Variants in IGHMBP2 observed in about 807,000 individuals in gnomAD.
The protein encoded by IGHMBP2 is DNA-binding protein SMUBP-2.
Under a neutral mutation model 96.0 loss-of-function variants are expected in IGHMBP2, and 81 were observed. The ratio of observed to expected loss-of-function variants is 0.84; its 90% CI spans 0.71 to 1.01. The LOEUF (loss-of-function observed/expected upper bound fraction) is 1.01, where lower values mean the gene tolerates loss of function less well. Ranked by LOEUF, IGHMBP2 falls within the 50% of genes least tolerant of loss-of-function variation. IGHMBP2 has a pLI of 0.00. For synonymous variants in IGHMBP2, 557 were observed against 548.9 expected, an observed-to-expected ratio of 1.01 and a Z score of -0.21; for missense variants, 1,227 against 1,306.3, an observed-to-expected ratio of 0.94 and a Z score of 0.94.
Position 68,908,352 on chromosome 11 carries a change from C to T in IGHMBP2, c.449+15C>T, listed in dbSNP as rs781076917. 1.2e-6 allele frequency: 2 copies of T among 1,609,762 alleles called. No individual in the cohort carries two copies. Among genetic ancestry groups the T allele is most frequent in the South Asian group, 2.2e-5 (2 of 91,016 alleles). On this transcript the variant is annotated intron_variant, in intron 3 of 14. Coordinates refer to ENST00000255078, the MANE Select transcript of IGHMBP2 (RefSeq NM_002180.3). The stretch of plus-strand genomic sequence containing the variant: ...CGACTGAAAAAGTAAGTGGATGGGA[C>T]TGGAAATCCTAAGTACCATCTTCCT...
chr11:68,924,190 C>CT (rs1191527292), intron 7 of IGHMBP2, among the ~76,000 whole-genome samples: 2 of 152,224 alleles, frequency 1.3e-5, no homozygotes, highest in African/African-American at 4.8e-5. Flanking sequence ...GCAGTCCCTG[C>CT]TATTCCATCT....
rs762477906 is a variant in IGHMBP2 at position 68,933,427 on chromosome 11, C to G, written c.1364C>G (p.Thr455Ser). ...GCTATCATGCGCTGGGCCTCAGACA[C>G]CATGTACCTTGGGCAGCTCACAGCC... Reference protein sequence around the residue: ...HQAIMRWASDTMYLGQLTAHS... With the variant: ...HQAIMRWASDSMYLGQLTAHS... Residue 455 changes from threonine (T) to serine (S), a missense_variant, in exon 9 of 15, where the codon ACC becomes AGC. By Grantham distance (58) the Thr-to-Ser change is moderately conservative (BLOSUM62 1). Coordinates refer to ENST00000255078, the MANE Select transcript of IGHMBP2 (RefSeq NM_002180.3). 1.2e-6 allele frequency: 2 copies of G among 1,613,368 alleles called. No individual in the cohort carries two copies. The highest frequency in any genetic ancestry group is 2.2e-5 in the South Asian group (2 of 90,948).
rs1460632503 is a variant in IGHMBP2 at position 68,908,642 on chromosome 11, C to T, written c.547+11C>T. ...CTGCCAGTGAAATACGTAAGAACTT[C>T]TGAGTTTTCTTTTTTGGTTGAAATC... On this transcript the variant is annotated intron_variant, in intron 4 of 14. Coordinates refer to ENST00000255078, the MANE Select transcript of IGHMBP2 (RefSeq NM_002180.3). 5 of 1,588,240 alleles carry T rather than the reference C, an allele frequency of 3.1e-6. No homozygotes were observed. The Admixed American group carries it at 8.3e-5, about 26-fold the overall frequency.
Position 68,933,878 on chromosome 11 carries a change from TGGA to T in IGHMBP2, c.1512_1514del (p.Glu504del), listed in dbSNP as rs770864295. The T allele has an allele frequency of 2.5e-6, 4 of 1,603,408 alleles. No homozygotes were observed. The highest frequency in any genetic ancestry group is 2.2e-5 in the East Asian group (1 of 44,562). ...ACCGCCGGCTGCGGGCTGTTTGAGCTGGAGGAGGAGGACGAACAGTCGAAAGGG... is the reference window on the plus strand; with the variant it reads ...ACCGCCGGCTGCGGGCTGTTTGAGCTGGAGGAGGACGAACAGTCGAAAGGG... On this transcript the variant is annotated inframe_deletion, in exon 10 of 15. Transcript: ENST00000255078.
chr11:68,917,067 G>A (rs987518223), intron 6 of IGHMBP2, among the ~76,000 whole-genome samples: 1 of 135,266 alleles, frequency 7.4e-6, no homozygotes, highest in East Asian at 2.3e-4. Context: ...TGCAACCTCC[G>A]CCTCCTGGGT....
chr11:68,930,080 G>A (rs898783837), intron 8 of IGHMBP2: 43 of 1,166,850 alleles, frequency 3.7e-5, no homozygotes, highest in African/African-American at 8.1e-5. Context: ...TGTGGCGGGC[G>A]TGCCCTCTCT....
chr11:68,904,348 T>A (rs762733719), intron 1 of IGHMBP2, among the ~76,000 whole-genome samples: 54 of 152,266 alleles, frequency 3.5e-4, no homozygotes, highest in African/African-American at 1.1e-3. Flanking sequence ...TTAGCAGCCC[T>A]TTCCCTTATT....
Position 68,914,859 on chromosome 11 carries a change from A to T in IGHMBP2, c.748A>T (p.Asn250Tyr). ...CCAPSNIAVD[N>Y]LVERLALCKQ... ...CGCCCCCTCCAACATCGCCGTGGAC[A>T]ATCTGGTGGAGCGCCTGGCTCTGTG... The change falls in exon 6 of 15, where the codon AAT becomes TAT. Residue 250 changes from asparagine (N) to tyrosine (Y), a missense_variant. Coordinates refer to ENST00000255078, the MANE Select transcript of IGHMBP2 (RefSeq NM_002180.3). The T allele has an allele frequency of 6.2e-7, 1 of 1,614,226 alleles. No individual in the cohort carries two copies. Among genetic ancestry groups the T allele is most frequent in the African/African-American group, 1.3e-5 (1 of 75,054 alleles).
chr11:68,939,387 A>C, intron 14 of IGHMBP2, 147 bp from the exon 15 acceptor site: 1 of 811,274 alleles, frequency 1.2e-6, no homozygotes. Context: ...CCCGCCAGGC[A>C]GCCTGCAGGG....
At chr11:68,909,195 G>A (rs1406579925) in intron 4 of IGHMBP2, among the ~76,000 whole-genome samples, 2 of 113,626 alleles carry the variant, frequency 1.8e-5, no homozygotes. Context: ...TGGAGGGGGG[G>A]GGCGGATGGA....
chr11:68,928,411 A>C (rs532284029), intron 7 of IGHMBP2, among the ~76,000 whole-genome samples: 2 of 152,330 alleles, frequency 1.3e-5, no homozygotes, highest in African/African-American at 4.8e-5. Context: ...CAATCTTGAG[A>C]AATTTCTCAG....
intron 7 of IGHMBP2, among the ~76,000 whole-genome samples, chr11:68,927,642 C>T (rs79859845): frequency 0.035 from 5,296 of 152,252 alleles, 314 homozygotes; most frequent in African/African-American, 0.12. Context: ...TCATTTGCTC[C>T]GACCATTATT....
chr11:68,910,258 T>C (rs1160449133), intron 4 of IGHMBP2, among the ~76,000 whole-genome samples: 1 of 152,234 alleles, frequency 6.6e-6, no homozygotes, highest in South Asian at 2.1e-4. Flanking sequence ...CTAAATGCAG[T>C]CACATTTCAG....
rs561279255 is a variant in IGHMBP2 at position 68,920,506 on chromosome 11, G to A, written c.1060+2623G>A. ...ATCTTTTAAAAAATATTTGAGACAC[G>A]GTCTCACTGTGTTACCCCTAACTGG... On this transcript the variant is annotated intron_variant, in intron 7 of 14. Coordinates refer to ENST00000255078, the MANE Select transcript of IGHMBP2 (RefSeq NM_002180.3). Among the ~76,000 whole-genome samples the A allele has an allele frequency of 1.5e-4, 23 of 152,258 alleles. No individual in the cohort carries two copies. The South Asian group carries it at 3.9e-3, about 26-fold the overall frequency.
In IGHMBP2 at chr11:68,934,457, C is replaced by A. The variant is rs1237331506; in HGVS notation, c.1538-7C>A. The A allele has an allele frequency of 6.2e-7, 1 of 1,600,966 alleles. No individual in the cohort carries two copies. Among genetic ancestry groups the A allele is most frequent in the Non-Finnish European group, 8.5e-7 (1 of 1,172,654 alleles). On this transcript the variant is annotated splice_region_variant and splice_polypyrimidine_tract_variant and intron_variant, in intron 10 of 14. Transcript: ENST00000255078. Reference sequence around the variant, plus strand: ...GTGCTGCTCACCCGTTCTTTCTTTCCCTCCAGGCGAAGTCCGCCTCGTCAG... The same window carrying A: ...GTGCTGCTCACCCGTTCTTTCTTTCACTCCAGGCGAAGTCCGCCTCGTCAG...
At chr11:68,916,685 T>C (rs1858684545) in intron 6 of IGHMBP2, among the ~76,000 whole-genome samples, 1 of 152,140 alleles carries the variant, frequency 6.6e-6, no homozygotes, top group Admixed American at 6.5e-5. Context: ...GTCTTTGCTA[T>C]GGGCCCGTGG....
rs761828801 is a variant in IGHMBP2 at position 68,915,156 on chromosome 11, T to C, written c.912+133T>C. On this transcript the variant is annotated intron_variant, in intron 6 of 14. Transcript: ENST00000255078. ...TCGATTCCTTTAATAATTTTAAAAATTGGGCTGCCCTTTTTTTTTTTTTTT... is the reference window on the plus strand; with the variant it reads ...TCGATTCCTTTAATAATTTTAAAAACTGGGCTGCCCTTTTTTTTTTTTTTT... The C allele has an allele frequency of 5.2e-4, 302 of 585,064 alleles. 1 individual carries two copies. The highest frequency in any genetic ancestry group is 7.6e-4 in the Non-Finnish European group (266 of 347,774). The allele number at this position is 585,064 out of a possible 1,614,324, so 36.2% of individuals were successfully genotyped here.
Position 68,906,071 on chromosome 11 carries a change from C to G in IGHMBP2, c.89C>G (p.Ser30Cys), listed in dbSNP as rs772945179. 3.1e-6 allele frequency: 5 copies of G among 1,613,996 alleles called. No individual in the cohort carries two copies. In the South Asian group the frequency reaches 5.5e-5, roughly 18 times the overall value. The change falls in exon 2 of 15, where the codon TCC becomes TGC. Residue 30 changes from serine to cysteine, a missense_variant and splice_region_variant. By Grantham distance (112) the Ser-to-Cys change is moderately radical. This residue lies in a region of IGHMBP2 where 507 missense variants were observed against 496.9 expected (regional missense o/e 1.02). Coordinates refer to ENST00000255078, the MANE Select transcript of IGHMBP2 (RefSeq NM_002180.3). ...CATCAATACCGGGTGTCTTCCAGGTCCTGGCAGGAGAACATCTCTCTGAAA... is the reference window on the plus strand; with the variant it reads ...CATCAATACCGGGTGTCTTCCAGGTGCTGGCAGGAGAACATCTCTCTGAAA... ...ERDAEVEERR[S>C]WQENISLKEL...
At chr11:68,931,266 T>C (rs1277045159) in intron 8 of IGHMBP2, among the ~76,000 whole-genome samples, 2 of 152,116 alleles carry the variant, frequency 1.3e-5, no homozygotes, top group Non-Finnish European at 2.9e-5. Context: ...TTGTCCTTCC[T>C]GGGGCGCCTG....
Sources: gnomAD v4.1 joint callset for allele counts (sites outside exome capture counted in the v4.1 genomes callset) on GRCh38, gnomAD v4.1.1 for gene constraint, gnomAD v4.1.1 regional missense constraint, MANE v1.5 for transcripts, NCBI Gene and HGNC (gene_info 2026-07-23, HGNC 2026-07-21) for gene names.